Variants in TLL1 observed in about 807,000 individuals in gnomAD.
TLL1 encodes tolloid like 1, also known as tolloid-like protein 1.
Under a neutral mutation model 128.2 loss-of-function variants are expected in TLL1, and 49 were observed. The ratio of observed to expected loss-of-function variants is 0.38; its 90% CI spans 0.30 to 0.48. The LOEUF (loss-of-function observed/expected upper bound fraction) is 0.48. TLL1 is among the 20% of genes least tolerant of loss of function. The pLI, the probability that TLL1 is intolerant of heterozygous loss-of-function variation, is 0.96. For missense variants in TLL1, 1,123 were observed against 1,242.0 expected (o/e 0.90, Z 1.44); for synonymous variants, 454 against 418.8 (o/e 1.08, Z -1.03).
intron 1 of TLL1, among the ~76,000 whole-genome samples, chr4:165,970,873 G>A (rs981066368): frequency 4.6e-5 from 7 of 152,058 alleles, no homozygotes; most frequent in African/African-American, 7.2e-5. Flanking sequence ...CAGGTTTGAC[G>A]CATAGTCTGT....
Position 165,876,300 on chromosome 4 carries a change from A to G in TLL1, c.169+2227A>G, listed in dbSNP as rs367728375. ...TCAAATCAAAGTTCCAATAACAGAAAAAAAATGAAATACTACATTGAAATC... is the reference window on the plus strand; with the variant it reads ...TCAAATCAAAGTTCCAATAACAGAAGAAAAATGAAATACTACATTGAAATC... On this transcript the variant is annotated intron_variant, in intron 1 of 20. Coordinates refer to ENST00000061240, the MANE Select transcript of TLL1 (RefSeq NM_012464.5). 2.0e-5 allele frequency among the ~76,000 whole-genome samples: 3 copies of G among 152,036 alleles called. No homozygotes were observed. The East Asian group carries it at 5.9e-4, about 30-fold the overall frequency.
chr4:165,923,812 T>C (rs149212794), intron 1 of TLL1, among the ~76,000 whole-genome samples: 169 of 152,284 alleles, frequency 1.1e-3, no homozygotes, highest in African/African-American at 3.8e-3. Context: ...TTAATGTTTG[T>C]GGCAACCCTG....
intron 1 of TLL1, among the ~76,000 whole-genome samples, chr4:165,933,395 C>T (rs1733619105): frequency 6.6e-6 from 1 of 152,104 alleles, no homozygotes. Context: ...GTACAGTTCA[C>T]TATGGAAATC....
chr4:166,097,783 C>T (rs981149136), intron 19 of TLL1, among the ~76,000 whole-genome samples: 1 of 152,098 alleles, frequency 6.6e-6, no homozygotes, highest in Non-Finnish European at 1.5e-5. Flanking sequence ...TCGTACTTGG[C>T]TATCCAGTGG....
At chr4:165,909,227 A>G (rs996947647) in intron 1 of TLL1, among the ~76,000 whole-genome samples, 2 of 152,160 alleles carry the variant, frequency 1.3e-5, no homozygotes, top group Non-Finnish European at 2.9e-5. Context: ...CAAAGTTTAA[A>G]ACTTGAGCAA....
intron 1 of TLL1, chr4:165,919,991 G>A (rs1418515334): frequency 3.2e-6 from 1 of 308,020 alleles, no homozygotes; most frequent in African/African-American, 2.2e-5. Flanking sequence ...ATTGAGGTCT[G>A]TATGAAGTCA....
intron 1 of TLL1, among the ~76,000 whole-genome samples, chr4:165,892,938 T>C (rs1561010508): frequency 6.6e-6 from 1 of 152,180 alleles, no homozygotes; most frequent in Non-Finnish European, 1.5e-5. Context: ...TGGTAGCTAT[T>C]TCCCTCAATG....
At chr4:166,095,669 G>C (rs1358889753) in intron 19 of TLL1, among the ~76,000 whole-genome samples, 1 of 151,934 alleles carries the variant, frequency 6.6e-6, no homozygotes, top group Non-Finnish European at 1.5e-5. Context: ...CAAATTACAA[G>C]GTATCTCCTG....
chr4:165,884,642 C>T (rs1271866204), intron 1 of TLL1, among the ~76,000 whole-genome samples: 6 of 152,124 alleles, frequency 3.9e-5, no homozygotes, highest in Non-Finnish European at 7.4e-5. Context: ...TTGAGACCAC[C>T]CTGGCCAACA....
intron 15 of TLL1, among the ~76,000 whole-genome samples, chr4:166,065,301 T>C (rs1376222490): frequency 6.6e-6 from 1 of 152,096 alleles, no homozygotes; most frequent in East Asian, 1.9e-4. Flanking sequence ...AGTATCCATC[T>C]TTCTCTTTTA....
At chr4:165,911,969 G>A (rs925321621) in intron 1 of TLL1, among the ~76,000 whole-genome samples, 5 of 152,078 alleles carry the variant, frequency 3.3e-5, no homozygotes, top group South Asian at 2.1e-4. Context: ...TCTGCCTCCC[G>A]GGTTCACGCC....
intron 12 of TLL1, among the ~76,000 whole-genome samples, chr4:166,052,751 G>C (rs983112514): frequency 1.3e-5 from 2 of 151,908 alleles, no homozygotes; most frequent in African/African-American, 4.8e-5. Flanking sequence ...TTTAGCAGGG[G>C]AGGATAGTTT....
chr4:166,078,735 T>C (rs563330743), intron 18 of TLL1, among the ~76,000 whole-genome samples: 1 of 152,014 alleles, frequency 6.6e-6, no homozygotes, highest in Non-Finnish European at 1.5e-5. Flanking sequence ...AATGTAGAAA[T>C]GTTAACAATT....
At chr4:166,032,404 GGGGGAGT>G (rs1323317295) in intron 9 of TLL1, among the ~76,000 whole-genome samples, 1 of 152,060 alleles carries the variant, frequency 6.6e-6, no homozygotes, top group Non-Finnish European at 1.5e-5. Context: ...ATGGTAATAT[GGGGGAGT>G]GGGTTGCACT....
In TLL1 at chr4:165,880,262, T is replaced by C. The variant is rs202160282; in HGVS notation, c.169+6189T>C. Among the ~76,000 whole-genome samples, 16 of 152,322 alleles carry C rather than the reference T, an allele frequency of 1.1e-4. No homozygotes were observed. In the East Asian group the frequency reaches 2.3e-3, roughly 22 times the overall value. ...GACTGCTAGTTTTGTCAGCTCCTTATAGAATGTGTGCTAATCCTGTCAAGC... is the reference window on the plus strand; with the variant it reads ...GACTGCTAGTTTTGTCAGCTCCTTACAGAATGTGTGCTAATCCTGTCAAGC... On this transcript the variant is annotated intron_variant, in intron 1 of 20. Coordinates refer to ENST00000061240, the MANE Select transcript of TLL1 (RefSeq NM_012464.5).
At chr4:166,098,507 A>G (rs1742133547) in intron 19 of TLL1, among the ~76,000 whole-genome samples, 2 of 152,196 alleles carry the variant, frequency 1.3e-5, no homozygotes, top group Middle Eastern at 6.8e-3. Flanking sequence ...AATAACTGGT[A>G]TAGCCTATGC....
intron 1 of TLL1, among the ~76,000 whole-genome samples, chr4:165,928,784 T>C (rs1561034133): frequency 1.3e-5 from 2 of 152,326 alleles, no homozygotes; most frequent in East Asian, 3.9e-4. Flanking sequence ...CAAGATTCCT[T>C]CGGACTTCAT....
rs1169297533 is a variant in TLL1, at chr4:165,976,034, C to CAAAAAAAAA, written c.170-13331_170-13323dup. On this transcript the variant is annotated intron_variant, in intron 1 of 20. Coordinates refer to ENST00000061240, the MANE Select transcript of TLL1 (RefSeq NM_012464.5). ...TGGGTAACAGAGTGAGATTCCATCT[C>CAAAAAAAAA]AAAAAAAAAAAAAAAAAAAAAAAAG... is the stretch of plus-strand genomic sequence containing the variant. 8.6e-4 allele frequency among the ~76,000 whole-genome samples: 62 copies of CAAAAAAAAA among 72,044 alleles called. 4 individuals carry two copies. The highest frequency in any genetic ancestry group is 2.4e-3 in the African/African-American group (49 of 20,636). 47.3% of individuals were successfully genotyped at this position (72,044 alleles called of 152,430 possible). A position where few individuals can be genotyped will look rare whatever the true frequency, so the allele number is the denominator to read the frequency against.
intron 9 of TLL1, 53 bp from the exon 10 acceptor site, chr4:166,039,286 A>T (rs931904655): frequency 4.8e-6 from 6 of 1,255,580 alleles, no homozygotes; most frequent in Non-Finnish European, 7.0e-6. Context: ...TCAAATCACT[A>T]TATGTAGATA....
Sources: allele counts gnomAD v4.1 joint callset (sites outside exome capture counted in the v4.1 genomes callset), GRCh38; gene constraint gnomAD v4.1.1; transcripts MANE v1.5; gene names NCBI Gene and HGNC (gene_info 2026-07-23, HGNC 2026-07-21).